USP25: variants seen among roughly 807,000 people sequenced by gnomAD.
USP25 encodes ubiquitin specific peptidase 25.
A neutral mutation model predicts 158.5 loss-of-function variants in USP25; 85 were observed. The observed-to-expected ratio is 0.54, with a 90% CI of 0.45 to 0.64. USP25 has a LOEUF of 0.64. Ranked by LOEUF, USP25 falls within the 30% of genes least tolerant of loss-of-function variation. USP25 has a pLI of 0.00. For missense variants in USP25, 1,242 were observed against 1,327.3 expected (o/e 0.94, Z 1.00); for synonymous variants, 464 against 460.4 (o/e 1.01, Z -0.10).
rs948702668 is a variant in USP25, at chr21:15,878,678, C to T, written c.*203C>T. The T allele has an allele frequency of 2.9e-5, 13 of 448,828 alleles. 1 individual carries two copies. The highest frequency in any genetic ancestry group is 1.8e-4 in the South Asian group (3 of 16,226). The allele number at this position is 448,828 out of a possible 1,614,324, so 27.8% of individuals were successfully genotyped here. ...TCGCATGGCGCTCAGACATTTTAAC[C>T]GGAACTGATGTATAATCACAAATCT... On this transcript the variant is annotated 3_prime_UTR_variant, in exon 26 of 26. Coordinates refer to ENST00000400183, the MANE Select transcript of USP25 (RefSeq NM_001283041.3).
chr21:15,877,767 T>C (rs1317596893), intron 24 of USP25, 29 bp from the exon 25 acceptor site: 1 of 1,512,812 alleles, frequency 6.6e-7, no homozygotes, highest in Non-Finnish European at 8.9e-7. Flanking sequence ...CAAAAACCTA[T>C]TCTTTTTTTT....
At position 15,816,908 on chromosome 21, in the gene USP25, G is replaced by A. The variant is rs1474534568; in HGVS notation, c.932-1790G>A. The stretch of plus-strand genomic sequence containing the variant: ...GCACTTTGGGAGGCTGAGGCAGGTG[G>A]ATCACTTGAGGTCAGGAGTTCGAGA... On this transcript the variant is annotated intron_variant, in intron 9 of 25. Coordinates refer to ENST00000400183, the MANE Select transcript of USP25 (RefSeq NM_001283041.3). The surrounding 1 kb of genome is among the most constrained non-coding windows in gnomAD (Gnocchi z 4.0). 2.6e-5 allele frequency among the ~76,000 whole-genome samples: 4 copies of A among 152,168 alleles called. No homozygotes were observed. In the East Asian group the frequency reaches 7.7e-4, roughly 29 times the overall value.
At chr21:15,785,597 A>G (rs1259195007) in intron 4 of USP25, among the ~76,000 whole-genome samples, 1 of 152,230 alleles carries the variant, frequency 6.6e-6, no homozygotes, top group Non-Finnish European at 1.5e-5. Flanking sequence ...TTAAAAGGGT[A>G]ATTAGAAAGT....
chr21:15,824,052 A>G lies in USP25; in HGVS notation c.1094A>G (p.Glu365Gly). Residue 365 changes from glutamate to glycine, a missense_variant, in exon 11 of 26, where the codon GAA becomes GGA. By Grantham distance (98) the Glu-to-Gly change is moderately conservative. This residue lies in a region of USP25 where 627 missense variants were observed against 701.4 expected (regional missense o/e 0.89). Transcript: ENST00000400183. ...GKSGQEHWFTELPPVLTFELS... is the reference protein window; with the variant it reads ...GKSGQEHWFTGLPPVLTFELS... ...ATTTCCTTTCAGCATTGGTTTACTG[A>G]ATTACCACCTGTGTTAACATTTGAA... is the stretch of plus-strand genomic sequence containing the variant. The G allele has an allele frequency of 6.2e-7, 1 of 1,613,110 alleles. No homozygotes were observed. Among genetic ancestry groups the G allele is most frequent in the Non-Finnish European group, 8.5e-7 (1 of 1,179,534 alleles).
chr21:15,798,713 A>AT (rs886858876), intron 5 of USP25, among the ~76,000 whole-genome samples: 5 of 150,668 alleles, frequency 3.3e-5, no homozygotes, highest in African/African-American at 4.9e-5. Context: ...ACAAGATAAA[A>AT]TTTTTTTTTA....
chr21:15,754,457 G>A (rs1382534226), intron 1 of USP25, among the ~76,000 whole-genome samples: 1 of 152,218 alleles, frequency 6.6e-6, no homozygotes, highest in Non-Finnish European at 1.5e-5. Context: ...TTGGTGCCTA[G>A]CAGTGCTTTA....
chr21:15,815,501 T>C (rs2036891882), intron 9 of USP25, among the ~76,000 whole-genome samples: 1 of 152,120 alleles, frequency 6.6e-6, no homozygotes, highest in Non-Finnish European at 1.5e-5. Flanking sequence ...GGCTGTACCT[T>C]GCAAAGCCAC....
rs1048596153 is a variant in USP25 at position 15,847,759 on chromosome 21, G to T, written c.2434G>T (p.Gly812Trp). 27 of 1,549,056 alleles carry T rather than the reference G, an allele frequency of 1.7e-5. No individual in the cohort carries two copies. Among genetic ancestry groups the T allele is most frequent in the Non-Finnish European group, 2.2e-5 (25 of 1,145,784 alleles). ...GAAATTTATGATTGAATCAAAGGAG[G>T]GGGGGTATGATGACGAGGTACCTTT... ...VGKFMIESKE[G>W]GYDDEIMMTP... Residue 812 changes from glycine (G) to tryptophan (W), a missense_variant, in exon 19 of 26, where the codon GGG becomes TGG. Coordinates refer to ENST00000400183, the MANE Select transcript of USP25 (RefSeq NM_001283041.3).
At chr21:15,813,369 G>A (rs1163947641) in intron 9 of USP25, among the ~76,000 whole-genome samples, 1 of 152,048 alleles carries the variant, frequency 6.6e-6, no homozygotes, top group Non-Finnish European at 1.5e-5. Flanking sequence ...CCCAGTCCCC[G>A]AATCTAATTT....
chr21:15,736,140 C>G (rs550957644), intron 1 of USP25, among the ~76,000 whole-genome samples: 36 of 151,988 alleles, frequency 2.4e-4, no homozygotes, highest in Admixed American at 2.1e-3. Flanking sequence ...CTCTCTCACC[C>G]AAGCTGGAGT....
intron 10 of USP25, among the ~76,000 whole-genome samples, chr21:15,819,125 A>G (rs947090345): frequency 1.3e-5 from 2 of 152,212 alleles, no homozygotes; most frequent in African/African-American, 4.8e-5. Context: ...GGTACCAGCC[A>G]TTAGCAGCAT....
At chr21:15,864,166 A>G in intron 20 of USP25, 102 bp from the exon 21 acceptor site, 1 of 1,296,544 alleles carries the variant, frequency 7.7e-7, no homozygotes, top group Non-Finnish European at 1.0e-6. Context: ...GCCAAAAAAA[A>G]AAAAAAGATT....
chr21:15,737,672 A>G (rs1189747195), intron 1 of USP25, among the ~76,000 whole-genome samples: 2 of 152,010 alleles, frequency 1.3e-5, no homozygotes, highest in Non-Finnish European at 2.9e-5. Flanking sequence ...TTTTTAACCA[A>G]GAGTTTTAAA....
chr21:15,847,460 A>G (rs1322697088), intron 18 of USP25, among the ~76,000 whole-genome samples: 1 of 152,194 alleles, frequency 6.6e-6, no homozygotes, highest in Non-Finnish European at 1.5e-5. Flanking sequence ...ATTTGATACC[A>G]AGTCAATGCA....
At chr21:15,837,454 A>T (rs1029985782) in intron 17 of USP25, among the ~76,000 whole-genome samples, 1 of 152,170 alleles carries the variant, frequency 6.6e-6, no homozygotes, top group Non-Finnish European at 1.5e-5. Flanking sequence ...GAGTGTGAAC[A>T]GCACACCCTA....
At chr21:15,774,718 A>C (rs2034539731) in intron 3 of USP25, among the ~76,000 whole-genome samples, 1 of 152,182 alleles carries the variant, frequency 6.6e-6, no homozygotes, top group Admixed American at 6.5e-5. Flanking sequence ...TTTGAGGTTT[A>C]ATAAAATTAG....
intron 1 of USP25, among the ~76,000 whole-genome samples, chr21:15,732,012 T>A (rs563096557): frequency 6.6e-5 from 10 of 152,358 alleles, no homozygotes; most frequent in South Asian, 2.1e-4. Context: ...AGGATTTTTT[T>A]ATTTTCATTT....
intron 1 of USP25, among the ~76,000 whole-genome samples, chr21:15,753,044 G>A (rs2033136028): frequency 6.6e-6 from 1 of 152,192 alleles, no homozygotes; most frequent in Non-Finnish European, 1.5e-5. Context: ...CAAATAAGGA[G>A]AATACTTGGA....
In USP25 at chr21:15,875,323, G is replaced by A. The variant is rs1157706423; in HGVS notation, c.3009+797G>A. On this transcript the variant is annotated intron_variant, in intron 24 of 25. Coordinates refer to ENST00000400183, the MANE Select transcript of USP25 (RefSeq NM_001283041.3). The surrounding 1 kb of genome is among the most constrained non-coding windows in gnomAD (Gnocchi z 4.7). ...GTTCCTCTGAAACCTTCAAAAAATG[G>A]TATAATGTTTCTCATCATTTTTTGT... 6.6e-6 allele frequency among the ~76,000 whole-genome samples: 1 copy of A among 152,048 alleles called. No individual in the cohort carries two copies. The highest frequency in any genetic ancestry group is 2.4e-5 in the African/African-American group (1 of 41,404).
Sources: allele counts gnomAD v4.1 joint callset (sites outside exome capture counted in the v4.1 genomes callset), GRCh38; gene constraint gnomAD v4.1.1; regional missense constraint gnomAD v4.1.1; non-coding constraint Gnocchi (gnomAD v3.1); transcripts MANE v1.5; gene names NCBI Gene and HGNC (gene_info 2026-07-23, HGNC 2026-07-21).